BMP8B: variants seen among roughly 807,000 people sequenced by gnomAD.
The protein encoded by BMP8B is bone morphogenetic protein 8b, also known as bone morphogenetic protein 8 (osteogenic protein 2).
In BMP8B, 17 loss-of-function variants were observed where a neutral mutation model predicts 30.3. The ratio of observed to expected loss-of-function variants is 0.56; its 90% CI spans 0.38 to 0.84. BMP8B has a LOEUF of 0.84. Ranked by LOEUF, BMP8B falls within the 40% of genes least tolerant of loss-of-function variation. The pLI, the probability that BMP8B is intolerant of heterozygous loss-of-function variation, is 0.00. For missense variants in BMP8B, 253 were observed against 494.6 expected (o/e 0.51, Z 4.63); for synonymous variants, 131 against 214.7 (o/e 0.61, Z 3.41).
chr1:39,784,126 CCT>C (rs1650830482), intron 1 of BMP8B, among the ~76,000 whole-genome samples: 1 of 152,060 alleles, frequency 6.6e-6, no homozygotes, highest in African/African-American at 2.4e-5. Flanking sequence ...CTGCTCTGAG[CCT>C]CTCTCTCCTC....
At chr1:39,768,074 G>A (rs529502642) in intron 3 of BMP8B, among the ~76,000 whole-genome samples, 5 of 148,708 alleles carry the variant, frequency 3.4e-5, no homozygotes, top group African/African-American at 7.3e-5. Context: ...ACGTGTGCAC[G>A]CGTGCATGCA....
At position 39,771,152 on chromosome 1, in the gene BMP8B, C is replaced by T. The variant is rs1207251299; in HGVS notation, c.673+3156G>A. On this transcript the variant is annotated intron_variant, in intron 3 of 6. Coordinates refer to ENST00000372827, the MANE Select transcript of BMP8B (RefSeq NM_001720.5). ...GTAGAACTTGGCACGGAGCCGGGGA[C>T]TGGTGGCAAAGCAGCGGGCGCAGCC... is the stretch of plus-strand genomic sequence containing the variant. 3 of 1,556,100 alleles carry T rather than the reference C, an allele frequency of 1.9e-6. 1 individual carries two copies. The highest frequency in any genetic ancestry group is 2.6e-6 in the Non-Finnish European group (3 of 1,139,844).
Position 39,763,705 on chromosome 1 carries a change from C to G in BMP8B, c.948+7G>C, listed in dbSNP as rs1649360318. On this transcript the variant is annotated splice_region_variant and intron_variant, in intron 5 of 6. Coordinates refer to ENST00000372827, the MANE Select transcript of BMP8B (RefSeq NM_001720.5). Reference sequence around the variant, plus strand: ...TCATTTCAGAAACAAGAAGAGTCAGCAATTACCAGCCAGCCGAGGTCCTGG... The same window carrying G: ...TCATTTCAGAAACAAGAAGAGTCAGGAATTACCAGCCAGCCGAGGTCCTGG... 1 of 1,597,596 alleles carries G rather than the reference C, an allele frequency of 6.3e-7. No individual in the cohort carries two copies. The highest frequency in any genetic ancestry group is 8.5e-7 in the Non-Finnish European group (1 of 1,171,482).
At chr1:39,787,084 C>T (rs114886997) in intron 1 of BMP8B, among the ~76,000 whole-genome samples, 4,063 of 152,344 alleles carry the variant, frequency 0.027, 103 homozygotes, top group East Asian at 0.12. Flanking sequence ...GGCTCAGCAG[C>T]GTAGAGGCTG....
Position 39,788,454 on chromosome 1 carries a change from A to T in BMP8B, c.32T>A (p.Leu11Gln). 1 of 1,030,228 alleles carries T rather than the reference A, an allele frequency of 9.7e-7. No homozygotes were observed. The highest frequency in any genetic ancestry group is 1.2e-6 in the Non-Finnish European group (1 of 860,622). 63.8% of individuals were successfully genotyped at this position (1,030,228 alleles called of 1,614,324 possible). The change falls in exon 1 of 7, where the codon CTG becomes CAG. Residue 11 changes from leucine to glutamine, a missense_variant. Transcript: ENST00000372827. The surrounding 1 kb of genome is among the most constrained non-coding windows in gnomAD (Gnocchi z 5.8). Reference sequence around the variant, plus strand: ...GCCCAGCGCGCATAGCGCCAGGCCCAGGAGCCAGAGCGGGCCGGGGAGCGC... The same window carrying T: ...GCCCAGCGCGCATAGCGCCAGGCCCTGGAGCCAGAGCGGGCCGGGGAGCGC... Reference protein sequence around the residue: MTALPGPLWLLGLALCALGGG... With the variant: MTALPGPLWLQGLALCALGGG...
chr1:39,779,531 A>C (rs1650473461), intron 1 of BMP8B, among the ~76,000 whole-genome samples: 1 of 152,230 alleles, frequency 6.6e-6, no homozygotes, highest in Admixed American at 6.5e-5. Flanking sequence ...TCCTAAGAGA[A>C]GTGCACACAA....
intron 1 of BMP8B, among the ~76,000 whole-genome samples, chr1:39,778,129 G>A (rs541944148): frequency 6.8e-4 from 103 of 152,338 alleles, no homozygotes; most frequent in African/African-American, 2.4e-3. Context: ...GGGGTGCCCC[G>A]GCCCCTTCTT....
Position 39,788,504 on chromosome 1 carries a change from A to T in BMP8B, c.-19T>A. 1 of 1,007,686 alleles carries T rather than the reference A, an allele frequency of 9.9e-7. No homozygotes were observed. The highest frequency in any genetic ancestry group is 1.2e-6 in the Non-Finnish European group (1 of 846,724). The allele number at this position is 1,007,686 out of a possible 1,614,324, so 62.4% of individuals were successfully genotyped here. A position where few individuals can be genotyped will look rare whatever the true frequency, so the allele number is the denominator to read the frequency against. On this transcript the variant is annotated 5_prime_UTR_variant, in exon 1 of 7. Transcript: ENST00000372827. This position sits in a 1 kb window ranked among gnomAD's most constrained non-coding sequence, Gnocchi z 5.8. ...CGGTCATGGCAGGCCGGGGGCGCTC[A>T]GCTGGGGCGCTCAGCGGGCGCGCAT...
At chr1:39,787,097 C>T (rs1569872817) in intron 1 of BMP8B, among the ~76,000 whole-genome samples, 1 of 152,256 alleles carries the variant, frequency 6.6e-6, no homozygotes, top group East Asian at 1.9e-4. Context: ...AGAGGCTGCG[C>T]TGTCCTAGGC....
At chr1:39,780,769 C>T (rs1426251866) in intron 1 of BMP8B, among the ~76,000 whole-genome samples, 1 of 152,198 alleles carries the variant, frequency 6.6e-6, no homozygotes, top group Non-Finnish European at 1.5e-5. Context: ...GTGGTAGGCA[C>T]CTGTACTTCC....
Position 39,781,904 on chromosome 1 carries a change from C to A in BMP8B, c.334+6248G>T, listed in dbSNP as rs2300745. ...GGGCGTGGTGGCTCTCGCCTGTAAT[C>A]CCAGCACTTTGGGAGGCTGAGGTGG... On this transcript the variant is annotated intron_variant, in intron 1 of 6. Coordinates refer to ENST00000372827, the MANE Select transcript of BMP8B (RefSeq NM_001720.5). 5.1e-4 allele frequency among the ~76,000 whole-genome samples: 77 copies of A among 152,282 alleles called. 1 individual carries two copies. The East Asian group carries it at 0.012, about 24-fold the overall frequency.
Position 39,770,453 on chromosome 1 carries a change from C to T in BMP8B, c.673+3855G>A, listed in dbSNP as rs763275934. ...CTCGTATTTCTGCCCCTTTATCACG[C>T]GATCTACATAAATGTTAGGAACGTG... is the stretch of plus-strand genomic sequence containing the variant. On this transcript the variant is annotated intron_variant, in intron 3 of 6. Transcript: ENST00000372827. 2.5e-6 allele frequency: 4 copies of T among 1,609,268 alleles called. 1 individual carries two copies. The highest frequency in any genetic ancestry group is 4.6e-5 in the East Asian group (2 of 43,920).
rs541993916 is a variant in BMP8B at position 39,788,082 on chromosome 1, C to T, written c.334+70G>A. 1.6e-3 allele frequency: 2,281 copies of T among 1,403,240 alleles called. 59 individuals carry two copies. In the South Asian group the frequency reaches 0.032, roughly 20 times the overall value. 86.9% of individuals were successfully genotyped at this position (1,403,240 alleles called of 1,614,324 possible). A position where few individuals can be genotyped will look rare whatever the true frequency, so the allele number is the denominator to read the frequency against. On this transcript the variant is annotated intron_variant, in intron 1 of 6. Coordinates refer to ENST00000372827, the MANE Select transcript of BMP8B (RefSeq NM_001720.5). This position sits in a 1 kb window ranked among gnomAD's most constrained non-coding sequence, Gnocchi z 5.8. ...CCCGTTCGGCCAGGGCCCGGCACAG[C>T]CCGCGGATGCGCGCCCCTCCCCTGC...
rs536279982 is a variant in BMP8B, at chr1:39,762,332, C to T, written c.1059+760G>A. ...TGCGATTACAGGGTGAGCCACCGCA[C>T]CTGATCAAGGCATCACCGTTGAACC... On this transcript the variant is annotated intron_variant, in intron 6 of 6. Transcript: ENST00000372827. 47 of 701,300 alleles carry T rather than the reference C, an allele frequency of 6.7e-5. No individual in the cohort carries two copies. The South Asian group carries it at 1.2e-3, about 18-fold the overall frequency. The allele number at this position is 701,300 out of a possible 1,614,324, so 43.4% of individuals were successfully genotyped here.
At chr1:39,775,477 C>T (rs927231929) in intron 1 of BMP8B, among the ~76,000 whole-genome samples, 1 of 152,192 alleles carries the variant, frequency 6.6e-6, no homozygotes, top group Non-Finnish European at 1.5e-5. Flanking sequence ...ACATAACCGA[C>T]ATAACTGACG....
rs1002386849 is a variant in BMP8B, at chr1:39,760,194, T to C, written c.*225A>G. 7 of 747,222 alleles carry C rather than the reference T, an allele frequency of 9.4e-6. No individual in the cohort carries two copies. In the Admixed American group the frequency reaches 2.1e-4, roughly 22 times the overall value. The allele number at this position is 747,222 out of a possible 1,614,324, so 46.3% of individuals were successfully genotyped here. ...TGCATTTGGGTAGAACACTGCCTGA[T>C]GATTGAGACCACCTGGGCTGGAAAC... On this transcript the variant is annotated 3_prime_UTR_variant, in exon 7 of 7. Transcript: ENST00000372827.
In BMP8B at chr1:39,762,467, C is replaced by T. The variant is rs1441274193; in HGVS notation, c.1059+625G>A. The T allele has an allele frequency of 3.3e-6, 5 of 1,520,956 alleles. No individual in the cohort carries two copies. In the South Asian group the frequency reaches 3.8e-5, roughly 12 times the overall value. The allele number at this position is 1,520,956 out of a possible 1,614,324, so 94.2% of individuals were successfully genotyped here. ...ATCCACAAACACACAGAGCACTCAA[C>T]AGTGAGCAGCACCAGTGATCCCATC... On this transcript the variant is annotated intron_variant, in intron 6 of 6. Coordinates refer to ENST00000372827, the MANE Select transcript of BMP8B (RefSeq NM_001720.5).
chr1:39,769,698 C>A, intron 3 of BMP8B: 1 of 1,603,452 alleles, frequency 6.2e-7, no homozygotes, highest in South Asian at 1.1e-5. Flanking sequence ...AGATCCAGGT[C>A]CCGTCAGGGT....
intron 5 of BMP8B, 58 bp from the exon 6 acceptor site, chr1:39,763,260 C>T: frequency 6.8e-7 from 1 of 1,479,300 alleles, no homozygotes; most frequent in Non-Finnish European, 9.3e-7. Flanking sequence ...AGCCTCAGGG[C>T]CCAAACCCAT....
Sources: allele counts gnomAD v4.1 joint callset (sites outside exome capture counted in the v4.1 genomes callset), GRCh38; gene constraint gnomAD v4.1.1; non-coding constraint Gnocchi (gnomAD v3.1); transcripts MANE v1.5; gene names NCBI Gene and HGNC (gene_info 2026-07-23, HGNC 2026-07-21).